Variants in DLGAP1 observed in about 807,000 individuals in gnomAD.
DLGAP1 encodes DLG associated protein 1.
In DLGAP1, 11 loss-of-function variants were observed where a neutral mutation model predicts 90.8. The observed-to-expected ratio is 0.12, with a 90% CI of 0.08 to 0.20. DLGAP1 has a LOEUF of 0.20. Among genes scored for constraint, DLGAP1 ranks in the 10% least tolerant of loss-of-function variants. The pLI, the probability that DLGAP1 is intolerant of heterozygous loss-of-function variation, is 1.00. For missense variants in DLGAP1, 1,050 were observed against 1,333.8 expected, an observed-to-expected ratio of 0.79 and a Z score of 3.31; for synonymous variants, 558 against 540.7, an observed-to-expected ratio of 1.03 and a Z score of -0.44.
At chr18:3,638,326 T>C (rs554871895) in intron 7 of DLGAP1, among the ~76,000 whole-genome samples, 3 of 151,266 alleles carry the variant, frequency 2.0e-5, no homozygotes, top group Non-Finnish European at 4.4e-5. Context: ...TAGCTCACTG[T>C]AGCCTTGACC....
chr18:3,712,843 G>T (rs978010684), intron 7 of DLGAP1, among the ~76,000 whole-genome samples: 13 of 152,250 alleles, frequency 8.5e-5, no homozygotes, highest in East Asian at 7.7e-4. Context: ...GCACCGAAAA[G>T]ATAGAAGCGG....
intron 1 of DLGAP1, among the ~76,000 whole-genome samples, chr18:4,440,120 CAAA>C (rs35152199): frequency 0.03 from 1,456 of 49,310 alleles, 15 homozygotes; most frequent in African/African-American, 0.11. Context: ...ACTCCGTCAC[CAAA>C]AAAAAAAAAA....
At chr18:4,267,398 C>G (rs559396309) in intron 1 of DLGAP1, among the ~76,000 whole-genome samples, 1 of 152,202 alleles carries the variant, frequency 6.6e-6, no homozygotes, top group African/African-American at 2.4e-5. Context: ...ATTTTGTTGC[C>G]CTACAAATTA....
chr18:4,052,182 A>C (rs1241627455), intron 2 of DLGAP1, among the ~76,000 whole-genome samples: 1 of 152,182 alleles, frequency 6.6e-6, no homozygotes, highest in East Asian at 1.9e-4. Flanking sequence ...TCACAGCTCC[A>C]CTAGGCAGTG....
chr18:4,116,002 G>GT (rs1333705728), intron 2 of DLGAP1, among the ~76,000 whole-genome samples: 6 of 151,862 alleles, frequency 4.0e-5, no homozygotes, highest in African/African-American at 1.5e-4. Flanking sequence ...TTCTTTTCTC[G>GT]TGCAGATTCA....
At chr18:4,385,053 AACAAT>A (rs377072008) in intron 1 of DLGAP1, among the ~76,000 whole-genome samples, 1 of 152,110 alleles carries the variant, frequency 6.6e-6, no homozygotes, top group Non-Finnish European at 1.5e-5. Flanking sequence ...CACTTTAAAA[AACAAT>A]ACAATACAAT....
intron 1 of DLGAP1, among the ~76,000 whole-genome samples, chr18:4,201,472 T>G (rs150377963): frequency 1.3e-5 from 2 of 152,286 alleles, no homozygotes; most frequent in African/African-American, 4.8e-5. Flanking sequence ...TTCTGTTCCA[T>G]TGGTCTGTGT....
At chr18:3,587,523 CG>C (rs1379773366) in intron 7 of DLGAP1, among the ~76,000 whole-genome samples, 81 of 152,146 alleles carry the variant, frequency 5.3e-4, no homozygotes, top group Admixed American at 5.3e-3. Flanking sequence ...CTCTGTAAAA[CG>C]GATCAATCAG....
chr18:3,647,912 A>G (rs1599713696), intron 7 of DLGAP1, among the ~76,000 whole-genome samples: 1 of 152,216 alleles, frequency 6.6e-6, no homozygotes, highest in East Asian at 1.9e-4. Flanking sequence ...GGACTGTCCT[A>G]TATACTGTTC....
intron 3 of DLGAP1, among the ~76,000 whole-genome samples, chr18:3,895,366 C>T (rs554810127): frequency 2.6e-5 from 4 of 151,586 alleles, no homozygotes; most frequent in East Asian, 1.9e-4. Context: ...TTTAATCTCT[C>T]GTGGAAACAA....
At chr18:4,405,975 C>T (rs541215477) in intron 1 of DLGAP1, among the ~76,000 whole-genome samples, 7 of 152,336 alleles carry the variant, frequency 4.6e-5, no homozygotes, top group African/African-American at 1.7e-4. Context: ...GCAGGCTCAG[C>T]TCAAGAGCCC....
At chr18:4,022,720 A>G (rs1477536069) in intron 2 of DLGAP1, among the ~76,000 whole-genome samples, 1 of 152,018 alleles carries the variant, frequency 6.6e-6, no homozygotes, top group Non-Finnish European at 1.5e-5. Context: ...GAATTGGTGG[A>G]TTGTTGGGTG....
rs11420173 is a variant in DLGAP1 at position 3,549,338 on chromosome 18, T to TC, written c.2058-14724_2058-14723insG. Among the ~76,000 whole-genome samples, 423 of 52,570 alleles carry TC rather than the reference T, an allele frequency of 8.0e-3. 4 individuals are homozygous for TC. The African/African-American group carries it at 0.089, about 11-fold the overall frequency. The allele number at this position is 52,570 out of a possible 152,430, so 34.5% of individuals were successfully genotyped here. On this transcript the variant is annotated intron_variant, in intron 9 of 12. Transcript: ENST00000315677. Reference sequence around the variant, plus strand: ...CTATTCCTCACTTTCTCTCTCTCTCTTTTTTTTTTTTTGAAAAGGAGTCTC... The same window carrying TC: ...CTATTCCTCACTTTCTCTCTCTCTCTCTTTTTTTTTTTTGAAAAGGAGTCTC...
At chr18:3,827,049 T>C (rs907166487) in intron 4 of DLGAP1, among the ~76,000 whole-genome samples, 1 of 151,730 alleles carries the variant, frequency 6.6e-6, no homozygotes, top group African/African-American at 2.4e-5. Flanking sequence ...AAAGAAGGAG[T>C]AGACTCAGGA....
chr18:3,782,230 G>A (rs1003319138), intron 5 of DLGAP1, among the ~76,000 whole-genome samples: 24 of 151,602 alleles, frequency 1.6e-4, no homozygotes, highest in African/African-American at 5.6e-4. Flanking sequence ...TCCGCCTCCT[G>A]GGTTCAAGCA....
rs147178149 is a variant in DLGAP1 at position 4,152,329 on chromosome 18, T to C, written c.-266-1042A>G. ...TATTCAGAATTGAGAATATAATTTG[T>C]ATTTTTTTAACCTCCTAATTATAAG... On this transcript the variant is annotated intron_variant, in intron 1 of 12. Transcript: ENST00000315677. 2.5e-4 allele frequency among the ~76,000 whole-genome samples: 38 copies of C among 152,348 alleles called. No homozygotes were observed. The East Asian group carries it at 7.3e-3, about 29-fold the overall frequency.
chr18:4,235,758 C>T (rs571297626), intron 1 of DLGAP1, among the ~76,000 whole-genome samples: 1 of 121,332 alleles, frequency 8.2e-6, no homozygotes, highest in African/African-American at 3.2e-5. Flanking sequence ...CGGAGTCTCA[C>T]TCTGTTGCCC....
chr18:4,030,472 G>A (rs8083207), intron 2 of DLGAP1, among the ~76,000 whole-genome samples: 2,396 of 152,314 alleles, frequency 0.016, 70 homozygotes, highest in African/African-American at 0.052. Flanking sequence ...CCAACCCAGA[G>A]ATTCATTCTT....
chr18:4,416,651 T>C (rs2082906389), intron 1 of DLGAP1, among the ~76,000 whole-genome samples: 1 of 152,194 alleles, frequency 6.6e-6, no homozygotes, highest in Non-Finnish European at 1.5e-5. Flanking sequence ...AATCTTAATA[T>C]TTGTTTACTG....
Sources: allele counts gnomAD v4.1 joint callset (sites outside exome capture counted in the v4.1 genomes callset), GRCh38; gene constraint gnomAD v4.1.1; transcripts MANE v1.5; gene names NCBI Gene and HGNC (gene_info 2026-07-23, HGNC 2026-07-21).